PTPRM: variants seen among roughly 807,000 people sequenced by gnomAD.
PTPRM encodes protein tyrosine phosphatase receptor type M, also known as receptor-type tyrosine-protein phosphatase mu.
In PTPRM, 47 loss-of-function variants were observed where a neutral mutation model predicts 186.7. That is an observed-to-expected ratio of 0.25 (90% confidence interval 0.20 to 0.32). The LOEUF (loss-of-function observed/expected upper bound fraction) is 0.32. Among genes scored for constraint, PTPRM ranks in the 10% least tolerant of loss-of-function variants. The pLI is 1.00. For missense variants in PTPRM, 1,494 were observed against 1,865.0 expected (o/e 0.80, Z 3.66); for synonymous variants, 668 against 674.9 (o/e 0.99, Z 0.16).
At chr18:7,918,114 T>G (rs1312197530) in intron 4 of PTPRM, among the ~76,000 whole-genome samples, 1 of 142,304 alleles carries the variant, frequency 7.0e-6, no homozygotes, top group African/African-American at 2.6e-5. Context: ...GTATGTGTAT[T>G]ACATTTTCTT....
At chr18:7,724,328 G>A (rs957668697) in intron 1 of PTPRM, among the ~76,000 whole-genome samples, 1 of 152,120 alleles carries the variant, frequency 6.6e-6, no homozygotes, top group African/African-American at 2.4e-5. Flanking sequence ...TTGAAAAAGT[G>A]TGACTTTAAC....
At chr18:8,307,952 G>A (rs2095239119) in intron 20 of PTPRM, among the ~76,000 whole-genome samples, 1 of 152,190 alleles carries the variant, frequency 6.6e-6, no homozygotes, top group African/African-American at 2.4e-5. Context: ...GTCCATGAAT[G>A]CCCTTTCCTA....
intron 19 of PTPRM, among the ~76,000 whole-genome samples, chr18:8,267,298 T>A (rs1349913001): frequency 2.0e-5 from 3 of 152,198 alleles, no homozygotes; most frequent in African/African-American, 7.2e-5. Flanking sequence ...TTTTATTTTT[T>A]TTCTCCATTT....
intron 2 of PTPRM, among the ~76,000 whole-genome samples, chr18:7,791,138 T>C (rs1010291510): frequency 6.6e-6 from 1 of 152,224 alleles, no homozygotes; most frequent in East Asian, 1.9e-4. Context: ...TTTATGCCAT[T>C]ATAAGAGCAA....
intron 1 of PTPRM, among the ~76,000 whole-genome samples, chr18:7,722,656 TTTTTA>T (rs35208118): frequency 0.64 from 96,445 of 151,478 alleles, 32,581 homozygotes; most frequent in East Asian, 0.99. Context: ...CAAGAAAAAG[TTTTTA>T]TGTATGAAGA....
chr18:7,826,249 T>TATATA lies in PTPRM; in HGVS notation c.196+51978_196+51979insATATA, dbSNP rs2045479104. ...CATCTCCATATGTGAGATTTATATT[T>TATATA]CATAAAACTTATATATGATGAAGTA... On this transcript the variant is annotated intron_variant, in intron 2 of 32. Transcript: ENST00000580170. 2.0e-5 allele frequency among the ~76,000 whole-genome samples: 3 copies of TATATA among 152,240 alleles called. No individual in the cohort carries two copies. In the South Asian group the frequency reaches 6.2e-4, roughly 32 times the overall value.
chr18:8,237,421 G>A (rs1463304489), intron 14 of PTPRM, among the ~76,000 whole-genome samples: 1 of 138,592 alleles, frequency 7.2e-6, no homozygotes, highest in South Asian at 2.4e-4. Flanking sequence ...GCTGGCAACT[G>A]ATTCCCTCAA....
intron 1 of PTPRM, among the ~76,000 whole-genome samples, chr18:7,618,277 G>C (rs1194433679): frequency 6.6e-6 from 1 of 152,064 alleles, no homozygotes; most frequent in African/African-American, 2.4e-5. Context: ...CTGAGTTAAT[G>C]GCTTAGAAAG....
At chr18:8,015,192 A>G (rs1210813103) in intron 7 of PTPRM, among the ~76,000 whole-genome samples, 1 of 152,170 alleles carries the variant, frequency 6.6e-6, no homozygotes, top group Non-Finnish European at 1.5e-5. Context: ...ACCCTAACAC[A>G]AAGGTGTATG....
intron 1 of PTPRM, among the ~76,000 whole-genome samples, chr18:7,625,412 G>T (rs1329965461): frequency 6.6e-6 from 1 of 152,204 alleles, no homozygotes; most frequent in East Asian, 1.9e-4. Context: ...GCTTAAAAAT[G>T]AAGAAGAAAT....
chr18:7,805,468 C>T (rs1005792071), intron 2 of PTPRM, among the ~76,000 whole-genome samples: 2 of 152,194 alleles, frequency 1.3e-5, no homozygotes, highest in African/African-American at 2.4e-5. Context: ...CTTGGTACAA[C>T]TGAGATAAAA....
intron 14 of PTPRM, among the ~76,000 whole-genome samples, chr18:8,199,538 A>G (rs1320000052): frequency 6.6e-6 from 1 of 152,132 alleles, no homozygotes; most frequent in Non-Finnish European, 1.5e-5. Context: ...AACAAAAGAT[A>G]GGGAATGCTC....
intron 14 of PTPRM, among the ~76,000 whole-genome samples, chr18:8,231,218 G>T (rs78210592): frequency 0.043 from 6,511 of 152,234 alleles, 210 homozygotes; most frequent in Middle Eastern, 0.068. Context: ...TATCACAGAG[G>T]GTGGGGGTAA....
intron 7 of PTPRM, among the ~76,000 whole-genome samples, chr18:8,013,899 A>G (rs1355473580): frequency 6.6e-6 from 1 of 152,226 alleles, no homozygotes; most frequent in African/African-American, 2.4e-5. Flanking sequence ...ACCTTTTAAG[A>G]AAAAAGTATG....
At chr18:7,828,191 G>C (rs545523879) in intron 2 of PTPRM, among the ~76,000 whole-genome samples, 2 of 151,916 alleles carry the variant, frequency 1.3e-5, no homozygotes. Flanking sequence ...GTTCAGATGA[G>C]TAACTAGTTT....
Position 7,824,641 on chromosome 18 carries a change from T to C in PTPRM, c.196+50370T>C, listed in dbSNP as rs535228703. Among the ~76,000 whole-genome samples, 11 of 152,352 alleles carry C rather than the reference T, an allele frequency of 7.2e-5. No homozygotes were observed. In the South Asian group the frequency reaches 2.1e-3, roughly 29 times the overall value. The stretch of plus-strand genomic sequence containing the variant: ...AAGGTACATTTTTAATATAGTTGTA[T>C]TTTCTATTTTCCTGTCCAGTTACTA... On this transcript the variant is annotated intron_variant, in intron 2 of 32. Transcript: ENST00000580170.
intron 1 of PTPRM, among the ~76,000 whole-genome samples, chr18:7,734,432 A>T (rs571299958): frequency 2.0e-5 from 3 of 152,200 alleles, no homozygotes; most frequent in African/African-American, 2.4e-5. Flanking sequence ...TTGTGATTTC[A>T]TGTCTACTTA....
At chr18:8,054,629 T>C (rs2087782206) in intron 7 of PTPRM, among the ~76,000 whole-genome samples, 1 of 152,050 alleles carries the variant, frequency 6.6e-6, no homozygotes, top group Non-Finnish European at 1.5e-5. Flanking sequence ...AGCATTGCCC[T>C]ACCTGTGTGT....
chr18:7,992,518 C>G (rs2083316467), intron 7 of PTPRM, among the ~76,000 whole-genome samples: 1 of 152,092 alleles, frequency 6.6e-6, no homozygotes, highest in Non-Finnish European at 1.5e-5. Flanking sequence ...TCAGTAAACA[C>G]ACACAGGTAG....
Sources: gnomAD v4.1 joint callset for allele counts (sites outside exome capture counted in the v4.1 genomes callset) on GRCh38, gnomAD v4.1.1 for gene constraint, MANE v1.5 for transcripts, NCBI Gene and HGNC (gene_info 2026-07-23, HGNC 2026-07-21) for gene names.